Variants in PFKL observed in about 807,000 individuals in gnomAD.
PFKL encodes the protein phosphofructokinase, liver type, also known as ATP-dependent 6-phosphofructokinase, liver type.
A neutral mutation model predicts 92.1 loss-of-function variants in PFKL; 74 were observed. The ratio of observed to expected loss-of-function variants is 0.80; its 90% confidence interval spans 0.67 to 0.97. The LOEUF (loss-of-function observed/expected upper bound fraction) is 0.97, where lower values mean the gene tolerates loss of function less well. Ranked by LOEUF, PFKL falls within the 50% of genes least tolerant of loss-of-function variation. The probability of loss-of-function intolerance (pLI) is 0.00; values close to 1 mark genes in which losing one functional copy is unlikely to be tolerated. For missense variants in PFKL, 1,028 were observed against 1,116.6 expected, an observed-to-expected ratio of 0.92 and a Z score of 1.13; for synonymous variants, 494 against 456.4, an observed-to-expected ratio of 1.08 and a Z score of -1.05.
At chr21:44,321,979 G>A (rs1449972465) in intron 13 of PFKL, 104 bp downstream of exon 13, 1 of 1,458,330 alleles carries the variant, frequency 6.9e-7, no homozygotes, top group Non-Finnish European at 9.2e-7. Flanking sequence ...GCTGAGACCT[G>A]GGTCCGCGTG....
intron 1 of PFKL, chr21:44,305,652 C>T: frequency 1.1e-6 from 1 of 870,810 alleles, no homozygotes; most frequent in South Asian, 1.7e-5. Flanking sequence ...TGGGTTTCCT[C>T]CTCTCTGAAG....
chr21:44,305,402 C>T (rs751815575), intron 1 of PFKL: 1 of 1,362,118 alleles, frequency 7.3e-7, no homozygotes, highest in South Asian at 1.1e-5. Context: ...GAGGCTTGAG[C>T]AGGAGCCCCC....
At position 44,303,462 on chromosome 21, in the gene PFKL, G is replaced by A. The variant is rs544039804; in HGVS notation, c.86-3219G>A. On this transcript the variant is annotated intron_variant, in intron 1 of 21. Transcript: ENST00000349048. ...AAAAAAAAAAAAAAAAAAATGGCCC[G>A]GCCTGCCTATGCCTACCTTCATCTC... Among the ~76,000 whole-genome samples, 378 of 126,024 alleles carry A rather than the reference G, an allele frequency of 3.0e-3. 4 individuals are homozygous for A. Among genetic ancestry groups the A allele is most frequent in the African/African-American group, 0.011 (359 of 31,696 alleles). 82.7% of individuals were successfully genotyped at this position (126,024 alleles called of 152,430 possible).
At chr21:44,322,919 C>T in intron 14 of PFKL, 43 bp from the exon 15 acceptor site, 2 of 1,440,434 alleles carry the variant, frequency 1.4e-6, no homozygotes, top group Admixed American at 1.7e-5. Context: ...GGACACGCGT[C>T]CCCGGGTGCT....
intron 9 of PFKL, among the ~76,000 whole-genome samples, chr21:44,317,003 C>T (rs897603424): frequency 6.6e-6 from 1 of 152,150 alleles, no homozygotes; most frequent in Admixed American, 6.5e-5. Flanking sequence ...CCCATGGCGC[C>T]TGTGGCGTCA....
chr21:44,305,042 C>A (rs1022364847), intron 1 of PFKL, among the ~76,000 whole-genome samples: 1 of 152,124 alleles, frequency 6.6e-6, no homozygotes, highest in Non-Finnish European at 1.5e-5. Flanking sequence ...CTCTGGCCCC[C>A]CTGTTGGATC....
In PFKL at chr21:44,324,873, G is replaced by A; in HGVS notation, c.1833G>A (p.Met611Ile). The A allele has an allele frequency of 6.2e-7, 1 of 1,608,698 alleles. No individual in the cohort carries two copies. The highest frequency in any genetic ancestry group is 8.5e-7 in the Non-Finnish European group (1 of 1,177,798). Residue 611 changes from methionine (M) to isoleucine (I), a missense_variant, in exon 18 of 22, where the codon ATG (methionine) becomes ATA (isoleucine). Transcript: ENST00000349048. ...TCCCGCAGGTCAACGTGGAGCACAT[G>A]ACGGAGAAGATGAAGACAGACATTC... is the stretch of plus-strand genomic sequence containing the variant. ...IHDLKVNVEH[M>I]TEKMKTDIQR...
chr21:44,323,062 C>A lies in PFKL; in HGVS notation c.1497+13C>A. 1 of 1,595,586 alleles carries A rather than the reference C, an allele frequency of 6.3e-7. No individual in the cohort carries two copies. The highest frequency in any genetic ancestry group is 1.1e-5 in the South Asian group (1 of 90,384). On this transcript the variant is annotated intron_variant, in intron 15 of 21. Transcript: ENST00000349048. ...CGGTGGGTTTGAGGTGAGAGCTGCCCACGGACGAAAAAGCCCCAGGGCACA... is the reference window on the plus strand; with the variant it reads ...CGGTGGGTTTGAGGTGAGAGCTGCCAACGGACGAAAAAGCCCCAGGGCACA...
chr21:44,304,331 C>G (rs984051286), intron 1 of PFKL: 2 of 1,288,268 alleles, frequency 1.6e-6, no homozygotes, highest in African/African-American at 3.0e-5. Context: ...CTGGGCTGAC[C>G]CGCCCAGTGG....
chr21:44,324,042 T>C, intron 16 of PFKL, 124 bp downstream of exon 16: 1 of 1,139,386 alleles, frequency 8.8e-7, no homozygotes, highest in African/African-American at 1.5e-5. Context: ...GGGTTGGGGT[T>C]TGTGGGGCAC....
intron 7 of PFKL, 196 bp from the exon 8 acceptor site, chr21:44,316,048 C>T (rs566663917): frequency 9.7e-5 from 58 of 598,818 alleles, no homozygotes; most frequent in Middle Eastern, 4.4e-4. Context: ...TCCAGGAGGG[C>T]GGGGCGTCCT....
chr21:44,313,510 T>C, intron 5 of PFKL, 128 bp from the exon 6 acceptor site: 2 of 863,228 alleles, frequency 2.3e-6, no homozygotes, highest in Non-Finnish European at 3.7e-6. Flanking sequence ...GCTCAGAGCC[T>C]GGGCATGAGA....
In PFKL at chr21:44,323,881, G is replaced by A; in HGVS notation, c.1613G>A (p.Ser538Asn). The A allele has an allele frequency of 6.2e-7, 1 of 1,613,564 alleles. No homozygotes were observed. The highest frequency in any genetic ancestry group is 8.5e-7 in the Non-Finnish European group (1 of 1,179,958). The stretch of plus-strand genomic sequence containing the variant: ...AACAACGTCCCTGGCACCGACTTCA[G>A]CCTGGGCTCCGACACTGCTGTAAAT... ...ISNNVPGTDF[S>N]LGSDTAVNAA... The change falls in exon 16 of 22, where the codon AGC (serine) becomes AAC (asparagine). Residue 538 changes from serine (S) to asparagine (N), a missense_variant. Transcript: ENST00000349048.
chr21:44,321,951 C>T lies in PFKL; in HGVS notation c.1338+76C>T, dbSNP rs568234418. ...ACTTGGGGCATTTCCTGTGGAAGGC[C>T]GGCTGCTGGAGGTGGAGGCTGAGAC... On this transcript the variant is annotated intron_variant, in intron 13 of 21. Transcript: ENST00000349048. 537 of 1,500,608 alleles carry T rather than the reference C, an allele frequency of 3.6e-4. 10 individuals carry two copies. The South Asian group carries it at 6.5e-3, about 18-fold the overall frequency. The allele number at this position is 1,500,608 out of a possible 1,614,324, so 93.0% of individuals were successfully genotyped here. A position where few individuals can be genotyped will look rare whatever the true frequency, so the allele number is the denominator to read the frequency against.
intron 13 of PFKL, 92 bp from the exon 14 acceptor site, chr21:44,322,041 A>C: frequency 6.7e-7 from 1 of 1,487,034 alleles, no homozygotes; most frequent in Non-Finnish European, 9.1e-7. Context: ...CGTGATGCCC[A>C]ACACTGGCTG....
At chr21:44,308,558 A>ATTTTTT (rs368772998) in intron 2 of PFKL, among the ~76,000 whole-genome samples, 1 of 137,606 alleles carries the variant, frequency 7.3e-6, no homozygotes. Flanking sequence ...GGGGGGTAGG[A>ATTTTTT]ATTTTTTTTT....
chr21:44,313,599 TG>T (rs1159864041), intron 5 of PFKL, 38 bp from the exon 6 acceptor site: 2 of 1,595,348 alleles, frequency 1.3e-6, no homozygotes. Flanking sequence ...CAGGGCCGTG[TG>T]GCTGGCACTG....
intron 7 of PFKL, 188 bp from the exon 8 acceptor site, chr21:44,316,056 C>G (rs1384702997): frequency 1.3e-5 from 8 of 609,274 alleles, no homozygotes; most frequent in Non-Finnish European, 1.8e-5. Flanking sequence ...GGCGGGGCGT[C>G]CTAGTGGGCC....
In PFKL at chr21:44,313,021, C is replaced by T. The variant is rs2047093630; in HGVS notation, c.471C>T (p.Asn157=). ...ETTARTYSHL[N]IAGLVGSIDN... ...CAGCCCGGACCTACTCGCACCTGAA[C>T]ATCGCGGGCCTAGTGGGCTCCATCG... The change falls in exon 5 of 22, where the codon AAC becomes AAT. Residue 157 remains asparagine (N), a synonymous_variant. Coordinates refer to ENST00000349048, the MANE Select transcript of PFKL (RefSeq NM_002626.6). 2.5e-6 allele frequency: 4 copies of T among 1,613,126 alleles called. No homozygotes were observed. Among genetic ancestry groups the T allele is most frequent in the East Asian group, 2.2e-5 (1 of 44,884 alleles).
Sources: allele counts gnomAD v4.1 joint callset (sites outside exome capture counted in the v4.1 genomes callset), GRCh38; gene constraint gnomAD v4.1.1; transcripts MANE v1.5; gene names NCBI Gene and HGNC (gene_info 2026-07-23, HGNC 2026-07-21).